The following GLYATL1 variants were observed in gnomAD, a reference collection of about 807,000 sequenced individuals.
GLYATL1 encodes glycine N-acyltransferase-like protein 1.
Under a neutral mutation model 20.0 loss-of-function variants are expected in GLYATL1, and 15 were observed. The ratio of observed to expected loss-of-function variants is 0.75; its 90% CI spans 0.50 to 1.15. The LOEUF (loss-of-function observed/expected upper bound fraction) is 1.15, where lower values mean the gene tolerates loss of function less well. Among genes scored for constraint, GLYATL1 ranks in the 50% most tolerant of loss-of-function variants. The probability of loss-of-function intolerance (pLI) is 0.00; values close to 1 mark genes in which losing one functional copy is unlikely to be tolerated. For missense variants in GLYATL1, 380 were observed against 368.5 expected (o/e 1.03, Z -0.26); for synonymous variants, 151 against 131.5 (o/e 1.15, Z -1.01).
At chr11:58,924,748 G>C (rs761182835), upstream of GLYATL1, among the ~76,000 whole-genome samples, 8 of 152,158 alleles carry the variant, frequency 5.3e-5, no homozygotes, top group South Asian at 2.1e-4. Flanking sequence ...AAGAGTGACC[G>C]GTAGTGTTAC....
At chr11:58,915,298 C>T (rs1054279516) in intron 1 of GLYATL1, among the ~76,000 whole-genome samples, 1 of 152,194 alleles carries the variant, frequency 6.6e-6, no homozygotes, top group African/African-American at 2.4e-5. Context: ...AGGTGAAATG[C>T]TGTGTCCCAG....
At chr11:58,908,165 CTCCCAGCTTG>C (rs1229102783) in exon 2 of GLYATL1, 7 of 152,280 alleles carry the variant, frequency 4.6e-5, no homozygotes, top group African/African-American at 1.4e-4. Context: ...CCTCCCACAA[CTCCCAGCTTG>C]TCTTCTCAAC....
chr11:58,948,904 T>C (rs533429417), intron 4 of GLYATL1, among the ~76,000 whole-genome samples: 1 of 152,220 alleles, frequency 6.6e-6, no homozygotes, highest in Non-Finnish European at 1.5e-5. Context: ...CCACTTTTAC[T>C]AGCTATATAA....
At chr11:58,917,037 A>C (rs1267089159) in intron 1 of GLYATL1, 1 of 152,226 alleles carries the variant, frequency 6.6e-6, no homozygotes, top group African/African-American at 2.4e-5. Context: ...TCTGCAATGC[A>C]GTGGAAAGTG....
intron 3 of GLYATL1, 88 bp from the exon 4 acceptor site, chr11:58,947,770 T>A: frequency 1.1e-6 from 1 of 893,152 alleles, no homozygotes; most frequent in South Asian, 1.3e-5. Flanking sequence ...TACCTTCTCT[T>A]AATCTCCATT....
At position 58,956,369 on chromosome 11, in the gene GLYATL1, T is replaced by C. The variant is rs779318266; in HGVS notation, c.*342T>C. On this transcript the variant is annotated 3_prime_UTR_variant, in exon 7 of 7. Transcript: ENST00000532726. Reference sequence around the variant, plus strand: ...TTAATAGAATCTACTATCTGGAAGATAAATGAAGGATTTTAATAAAATTTT... The same window carrying C: ...TTAATAGAATCTACTATCTGGAAGACAAATGAAGGATTTTAATAAAATTTT... The C allele has an allele frequency of 4.0e-6, 1 of 248,182 alleles. No individual in the cohort carries two copies. Among genetic ancestry groups the C allele is most frequent in the East Asian group, 7.6e-5 (1 of 13,178 alleles). 15.4% of individuals were successfully genotyped at this position (248,182 alleles called of 1,614,324 possible). A position where few individuals can be genotyped will look rare whatever the true frequency, so the allele number is the denominator to read the frequency against.
downstream of GLYATL1, among the ~76,000 whole-genome samples, chr11:58,911,075 G>A (rs1449433321): frequency 6.6e-6 from 1 of 152,150 alleles, no homozygotes; most frequent in Non-Finnish European, 1.5e-5. Flanking sequence ...AACATAGACT[G>A]AATTATACCC....
chr11:58,908,582 G>GTT (rs1854966061), exon 2 of GLYATL1: 1 of 178,880 alleles, frequency 5.6e-6, no homozygotes, highest in South Asian at 1.5e-4. Context: ...TCACTGGAGA[G>GTT]ATAGTCTAAC....
At chr11:58,909,230 G>A (rs1405053397), downstream of GLYATL1, among the ~76,000 whole-genome samples, 1 of 152,178 alleles carries the variant, frequency 6.6e-6, no homozygotes, top group East Asian at 1.9e-4. Context: ...GTGGTTGTCA[G>A]GGGCTGGGAA....
chr11:58,955,471 T>C, intron 6 of GLYATL1, 118 bp downstream of exon 6: 3 of 1,364,546 alleles, frequency 2.2e-6, no homozygotes, highest in Non-Finnish European at 2.0e-6. Context: ...GAATAAAGGT[T>C]GTCAAAGTTC....
chr11:58,916,707 C>A (rs889131139), intron 1 of GLYATL1, among the ~76,000 whole-genome samples: 1 of 152,228 alleles, frequency 6.6e-6, no homozygotes, highest in African/African-American at 2.4e-5. Context: ...CTCCTGTTAC[C>A]AGTGGATGGT....
At chr11:58,932,718 T>A (rs1216547458) in intron 1 of GLYATL1, among the ~76,000 whole-genome samples, 2 of 152,262 alleles carry the variant, frequency 1.3e-5, no homozygotes, top group Non-Finnish European at 2.9e-5. Flanking sequence ...CAGCTGGATG[T>A]GTTTATATAA....
In GLYATL1 at chr11:58,946,855, A is replaced by G. The variant is rs1051796364; in HGVS notation, c.-42-191A>G. On this transcript the variant is annotated intron_variant, in intron 2 of 6. Transcript: ENST00000532726. ...TTGGAGACAGTCATATATGGTTTCA[A>G]AATCTGACTCTGGCATTTATCTCTA... is the stretch of plus-strand genomic sequence containing the variant. The G allele has an allele frequency of 9.6e-6, 6 of 623,794 alleles. No individual in the cohort carries two copies. The African/African-American group carries it at 1.1e-4, about 11-fold the overall frequency. 38.6% of individuals were successfully genotyped at this position (623,794 alleles called of 1,614,324 possible).
intron 4 of GLYATL1, among the ~76,000 whole-genome samples, chr11:58,951,105 T>TTAA (rs1227713840): frequency 1.3e-5 from 2 of 152,142 alleles, no homozygotes; most frequent in African/African-American, 4.8e-5. Flanking sequence ...GTTTTTTTAG[T>TTAA]TAATAATTAG....
intron 1 of GLYATL1, among the ~76,000 whole-genome samples, chr11:58,932,343 G>A (rs957587374): frequency 1.3e-5 from 2 of 152,038 alleles, no homozygotes; most frequent in Admixed American, 1.3e-4. Context: ...TGAGGTGCAA[G>A]GTGGTACAAC....
chr11:58,943,316 A>G (rs1856307240), intron 1 of GLYATL1: 1 of 1,550,720 alleles, frequency 6.4e-7, no homozygotes, highest in South Asian at 1.2e-5. Flanking sequence ...AACTGTGTTC[A>G]AATAAGGCAA....
rs1377500052 is a variant in GLYATL1, at chr11:58,947,537, C to T, written c.79-321C>T. On this transcript the variant is annotated intron_variant, in intron 3 of 6. Transcript: ENST00000532726. ...TTTTCCATCAATGAGATGGGAATAA[C>T]GTTAGCACCTACCGCTTAAAGTTGC... 4 of 453,912 alleles carry T rather than the reference C, an allele frequency of 8.8e-6. No homozygotes were observed. The South Asian group carries it at 9.2e-5, about 10-fold the overall frequency. 28.1% of individuals were successfully genotyped at this position (453,912 alleles called of 1,614,324 possible).
rs1857267188 is a variant in GLYATL1, at chr11:58,954,844, A to G, written c.261A>G (p.Glu87=). Residue 87 remains glutamate (E), a synonymous_variant, in exon 5 of 7, where the codon GAA becomes GAG. Transcript: ENST00000532726. ...MFSKEPQKSE[E]VLKNCEIVNW... ...CCAAAGAGCCTCAAAAATCAGAAGA[A>G]GTTTTGAAAAATTGTGAGATCGTAA... 1.2e-6 allele frequency: 2 copies of G among 1,613,298 alleles called. No homozygotes were observed. The highest frequency in any genetic ancestry group is 2.7e-5 in the African/African-American group (2 of 74,854).
chr11:58,921,624 C>T lies in GLYATL1; in HGVS notation n.264+15963C>T, dbSNP rs1015031331. 5.3e-5 allele frequency among the ~76,000 whole-genome samples: 8 copies of T among 152,184 alleles called. No individual in the cohort carries two copies. In the East Asian group the frequency reaches 5.8e-4, roughly 11 times the overall value. ...TTTCTCTTTAGCCTTGGCCGGCTCT[C>T]GAATCCCTTTCCAGACCAGCCTCTT... On this transcript the variant is annotated intron_variant and non_coding_transcript_variant, in intron 1 of 2. Coordinates refer to the GLYATL1 transcript ENST00000534674.
Sources: allele counts gnomAD v4.1 joint callset (sites outside exome capture counted in the v4.1 genomes callset), GRCh38; gene constraint gnomAD v4.1.1; transcripts MANE v1.5; gene names NCBI Gene and HGNC (gene_info 2026-07-23, HGNC 2026-07-21).